Variants in BRWD3 observed in about 807,000 individuals in gnomAD.
BRWD3 encodes bromodomain and WD repeat domain containing 3.
A neutral mutation model predicts 149.7 loss-of-function variants in BRWD3; 10 were observed. That is an observed-to-expected ratio of 0.07 (90% CI 0.04 to 0.11). BRWD3 has a LOEUF of 0.11. Ranked by LOEUF, BRWD3 falls within the 10% of genes least tolerant of loss-of-function variation. The probability of loss-of-function intolerance (pLI) is 1.00; values close to 1 mark genes in which losing one functional copy is unlikely to be tolerated. For synonymous variants in BRWD3, 504 were observed against 456.7 expected (o/e 1.10, Z -1.32); for missense variants, 940 against 1,373.2 (o/e 0.68, Z 4.99).
chrX:80,713,571 T>A (rs1255271335), intron 20 of BRWD3, among the ~76,000 whole-genome samples: 1 of 109,950 alleles, frequency 9.1e-6, no homozygotes, highest in East Asian at 2.9e-4. Context: ...CGCAGGGTCC[T>A]CTGCCTAGGA....
At chrX:80,686,387 G>A (rs889449311) in intron 35 of BRWD3, among the ~76,000 whole-genome samples, 6 of 108,134 alleles carry the variant, frequency 5.5e-5, no homozygotes, top group African/African-American at 1.0e-4. Context: ...AAACCTGCAC[G>A]TTGTGCACAT....
Position 80,714,219 on chromosome X carries a change from CTTTTTTTTTT to C in BRWD3, c.2325+1928_2325+1937del, listed in dbSNP as rs987098536. On this transcript the variant is annotated intron_variant, in intron 20 of 40. Transcript: ENST00000373275. ...AATCTTGGTCTTCACAAACCTTCAT[CTTTTTTTTTT>C]TTTTTTTTTTTTTTTGAGACGGAGT... Among the ~76,000 whole-genome samples the C allele has an allele frequency of 8.1e-5, 5 of 61,802 alleles. No homozygotes were observed. In the Admixed American group the frequency reaches 8.6e-4, roughly 11 times the overall value. 53.7% of individuals were successfully genotyped at this position (61,802 alleles called of 115,157 possible).
intron 17 of BRWD3, among the ~76,000 whole-genome samples, chrX:80,721,566 C>CA (rs2073150069): frequency 9.0e-6 from 1 of 111,549 alleles, no homozygotes; most frequent in African/African-American, 3.3e-5. Flanking sequence ...CTACAAGTAC[C>CA]AAAGTAAGAT....
At chrX:80,739,641 C>A (rs1337467109) in intron 8 of BRWD3, among the ~76,000 whole-genome samples, 1 of 111,445 alleles carries the variant, frequency 9.0e-6, no homozygotes, top group Non-Finnish European at 1.9e-5. Flanking sequence ...GTAGACCCTC[C>A]TTATCTGCAG....
At chrX:80,771,717 A>T (rs749333817) in intron 6 of BRWD3, among the ~76,000 whole-genome samples, 1 of 112,079 alleles carries the variant, frequency 8.9e-6, no homozygotes, top group East Asian at 2.8e-4. Flanking sequence ...CAACCTACCC[A>T]TCTGACAAAG....
intron 4 of BRWD3, among the ~76,000 whole-genome samples, chrX:80,798,148 G>C (rs908295643): frequency 2.7e-5 from 3 of 111,343 alleles, no homozygotes; most frequent in Non-Finnish European, 5.7e-5. Flanking sequence ...TGTAACACTA[G>C]AGAAACAGAT....
At chrX:80,679,167 T>C (rs1169194872) in intron 40 of BRWD3, among the ~76,000 whole-genome samples, 2 of 112,238 alleles carry the variant, frequency 1.8e-5, no homozygotes, top group South Asian at 3.7e-4. Context: ...CTGTGGTATC[T>C]TGTTATGGAA....
chrX:80,809,688 G>A lies in BRWD3; in HGVS notation c.-217C>T. On this transcript the variant is annotated 5_prime_UTR_variant, in exon 1 of 41. Transcript: ENST00000373275. ...CTGAGGAGGCGGAGGAGGAAGGAGA[G>A]GAGAGGGAGAGGGAGAGAGAGAGTG... The A allele has an allele frequency of 2.5e-6, 1 of 397,721 alleles. No individual in the cohort carries two copies. 32.8% of individuals were successfully genotyped at this position (397,721 alleles called of 1,213,427 possible). A position where few individuals can be genotyped will look rare whatever the true frequency, so the allele number is the denominator to read the frequency against.
chrX:80,787,218 T>G (rs776261815), intron 6 of BRWD3, among the ~76,000 whole-genome samples: 1 of 111,428 alleles, frequency 9.0e-6, no homozygotes, highest in African/African-American at 3.3e-5. Flanking sequence ...AAATTAAAGA[T>G]TTACAAAAAT....
chrX:80,733,198 T>C (rs146543142), intron 12 of BRWD3: 4,823 of 262,967 alleles, frequency 0.018, 48 homozygotes, highest in Non-Finnish European at 0.024. Context: ...AACACTTGAC[T>C]GACGTGGGTG....
rs145117753 is a variant in BRWD3 at position 80,720,338 on chromosome X, G to A, written c.1877-682C>T. Among the ~76,000 whole-genome samples, 93 of 111,374 alleles carry A rather than the reference G, an allele frequency of 8.4e-4. No individual in the cohort carries two copies. In the East Asian group the frequency reaches 0.016, roughly 19 times the overall value. ...TCCAGTGGGACAAGCAAGATGTGGA[G>A]GTAGAAGACAGGGATATTGATAATC... On this transcript the variant is annotated intron_variant, in intron 17 of 40. Coordinates refer to ENST00000373275, the MANE Select transcript of BRWD3 (RefSeq NM_153252.5).
chrX:80,745,234 A>C (rs1365257520), intron 7 of BRWD3, among the ~76,000 whole-genome samples: 1 of 111,744 alleles, frequency 8.9e-6, no homozygotes, highest in East Asian at 2.8e-4. Context: ...AATTACACTG[A>C]GTGACACATT....
intron 20 of BRWD3, among the ~76,000 whole-genome samples, chrX:80,712,650 G>A (rs1482348725): frequency 9.3e-6 from 1 of 107,803 alleles, no homozygotes; most frequent in Non-Finnish European, 1.9e-5. Flanking sequence ...TGGCTGCCCA[G>A]TCTGGAAAGT....
At chrX:80,681,544 T>C (rs886644170) in intron 39 of BRWD3, 45 bp from the exon 40 acceptor site, 1 of 1,075,887 alleles carries the variant, frequency 9.3e-7, no homozygotes, top group Non-Finnish European at 1.3e-6. Context: ...TATCATGTTT[T>C]CAGGAAAGTT....
chrX:80,702,717 C>A (rs905850948), intron 24 of BRWD3, among the ~76,000 whole-genome samples: 1 of 111,567 alleles, frequency 9.0e-6, no homozygotes, highest in Non-Finnish European at 1.9e-5. Flanking sequence ...CTATAACAGG[C>A]AATTACAGAA....
intron 6 of BRWD3, among the ~76,000 whole-genome samples, chrX:80,791,402 T>A (rs2074180791): frequency 9.0e-6 from 1 of 111,579 alleles, no homozygotes; most frequent in African/African-American, 3.3e-5. Flanking sequence ...GTCCCAAGAA[T>A]AATTTGAATG....
intron 6 of BRWD3, among the ~76,000 whole-genome samples, chrX:80,770,427 G>C (rs2073927683): frequency 9.0e-6 from 1 of 111,675 alleles, no homozygotes; most frequent in Non-Finnish European, 1.9e-5. Context: ...TTTATCCCTA[G>C]GACGCAAGGC....
intron 6 of BRWD3, among the ~76,000 whole-genome samples, chrX:80,764,069 C>A (rs1272439785): frequency 8.9e-6 from 1 of 112,010 alleles, no homozygotes; most frequent in African/African-American, 3.2e-5. Context: ...CATAAATTTT[C>A]TTAACTGATT....
Position 80,677,426 on chromosome X carries a change from T to C in BRWD3, c.4655-63A>G, listed in dbSNP as rs1337752383. 2.8e-5 allele frequency: 32 copies of C among 1,148,120 alleles called. No homozygotes were observed. In the East Asian group the frequency reaches 8.8e-4, roughly 32 times the overall value. The allele number at this position is 1,148,120 out of a possible 1,213,427, so 94.6% of individuals were successfully genotyped here. ...GACATTGACAAAATGGTTATTTAGG[T>C]TCAAAAACAGTCTACAGTTCCCAAA... On this transcript the variant is annotated intron_variant, in intron 40 of 40. Transcript: ENST00000373275.
Sources: allele counts gnomAD v4.1 joint callset (sites outside exome capture counted in the v4.1 genomes callset), GRCh38; gene constraint gnomAD v4.1.1; transcripts MANE v1.5; gene names NCBI Gene and HGNC (gene_info 2026-07-23, HGNC 2026-07-21).